RTL4: variants seen among roughly 807,000 people sequenced by gnomAD.
RTL4 encodes the protein retrotransposon Gag like 4, also known as retrotransposon Gag-like protein 4.
Under a neutral mutation model 5.3 loss-of-function variants are expected in RTL4, and 4 were observed. The observed-to-expected ratio is 0.75, with a 90% confidence interval of 0.37 to 1.72. The LOEUF (loss-of-function observed/expected upper bound fraction) is 1.72. RTL4 is among the 40% of genes most tolerant of loss of function. The probability of loss-of-function intolerance (pLI) is 0.04; values close to 1 mark genes in which losing one functional copy is unlikely to be tolerated. For missense variants in RTL4, 260 were observed against 227.1 expected, an observed-to-expected ratio of 1.14 and a Z score of -0.93; for synonymous variants, 98 against 87.3, an observed-to-expected ratio of 1.12 and a Z score of -0.68.
the RTL4 span, among the ~76,000 whole-genome samples, chrX:112,228,223 T>C: frequency 9.0e-6 from 1 of 111,019 alleles, no homozygotes; most frequent in Admixed American, 9.6e-5. Context: ...AAGTTAGTGC[T>C]GATCCCTTTT....
At chrX:112,236,634 G>A in the RTL4 span, among the ~76,000 whole-genome samples, 2 of 105,833 alleles carry the variant, frequency 1.9e-5, no homozygotes, top group African/African-American at 6.8e-5. Flanking sequence ...CAATGTCCAG[G>A]CTCAAATCAG....
chrX:112,365,210 T>TGC, the RTL4 span, among the ~76,000 whole-genome samples: 3 of 111,092 alleles, frequency 2.7e-5, no homozygotes, highest in African/African-American at 9.8e-5. Context: ...AGAAACAGCA[T>TGC]GTACAAAAGT....
chrX:112,190,207 T>TTTCTTTCTTTCTTTCTTTCTTTC, the RTL4 span, among the ~76,000 whole-genome samples: 1 of 99,099 alleles, frequency 1.0e-5, no homozygotes, highest in Non-Finnish European at 2.0e-5. Context: ...TTTCTTTCTT[T>TTTCTTTCTTTCTTTCTTTCTTTC]TTTCTATACC....
chrX:112,269,146 C>A, the RTL4 span, among the ~76,000 whole-genome samples: 1 of 112,115 alleles, frequency 8.9e-6, no homozygotes, highest in Admixed American at 9.5e-5. Context: ...GATAATAGTC[C>A]ATGTAAACTG....
the RTL4 span, among the ~76,000 whole-genome samples, chrX:112,259,164 G>T: frequency 9.0e-6 from 1 of 111,063 alleles, no homozygotes; most frequent in Non-Finnish European, 1.9e-5. Context: ...ATTTTCATTT[G>T]GATCATAATT....
chrX:112,236,120 T>C, the RTL4 span, among the ~76,000 whole-genome samples: 2 of 109,666 alleles, frequency 1.8e-5, no homozygotes, highest in African/African-American at 6.6e-5. Flanking sequence ...AAGAGAATGA[T>C]TTAAATAAAC....
chrX:112,302,148 C>A, the RTL4 span, among the ~76,000 whole-genome samples: 1 of 108,332 alleles, frequency 9.2e-6, no homozygotes, highest in Non-Finnish European at 1.9e-5. Flanking sequence ...GTAGTCCCAG[C>A]TACTTGGGAG....
chrX:112,213,141 G>A, the RTL4 span, among the ~76,000 whole-genome samples: 2 of 112,785 alleles, frequency 1.8e-5, no homozygotes, highest in African/African-American at 6.4e-5. Context: ...GCAGCAATGG[G>A]GAACAAATGC....
At chrX:112,374,441 A>G in the RTL4 span, among the ~76,000 whole-genome samples, 6 of 111,122 alleles carry the variant, frequency 5.4e-5, no homozygotes, top group African/African-American at 2.0e-4. Context: ...ATTCATCCAA[A>G]TTTGTTCCTC....
At chrX:112,353,880 T>C in the RTL4 span, among the ~76,000 whole-genome samples, 2 of 111,063 alleles carry the variant, frequency 1.8e-5, no homozygotes, top group Non-Finnish European at 1.9e-5. Context: ...GTGCTGTGGG[T>C]TAGAATGTCC....
chrX:112,101,910 G>T, the RTL4 span, among the ~76,000 whole-genome samples: 1 of 110,572 alleles, frequency 9.0e-6, no homozygotes, highest in African/African-American at 3.3e-5. Context: ...ACCAAGAACT[G>T]CCTGGAGCCC....
chrX:112,328,900 G>A, the RTL4 span, among the ~76,000 whole-genome samples: 1 of 111,975 alleles, frequency 8.9e-6, no homozygotes, highest in African/African-American at 3.3e-5. Context: ...ACCTGCTCAT[G>A]AATGACTACT....
chrX:112,169,003 C>CTCTTTCT, the RTL4 span, among the ~76,000 whole-genome samples: 3 of 70,656 alleles, frequency 4.2e-5, no homozygotes, highest in Non-Finnish European at 8.3e-5. Context: ...TCCTTTCTTT[C>CTCTTTCT]CTTTCTTTCT....
chrX:112,249,387 C>T, the RTL4 span, among the ~76,000 whole-genome samples: 3,295 of 110,642 alleles, frequency 0.03, 24 homozygotes, highest in Non-Finnish European at 0.036. Flanking sequence ...GTATCTGTGA[C>T]GGCTAATTTT....
the RTL4 span, among the ~76,000 whole-genome samples, chrX:112,369,572 G>T: frequency 8.9e-6 from 1 of 111,792 alleles, no homozygotes; most frequent in Non-Finnish European, 1.9e-5. Context: ...ATATTGGGGG[G>T]TGGAAGAATT....
the RTL4 span, among the ~76,000 whole-genome samples, chrX:112,157,877 A>G: frequency 2.7e-5 from 3 of 111,968 alleles, no homozygotes; most frequent in African/African-American, 9.7e-5. Context: ...TCCTGCCTTT[A>G]TAGTTTAGTC....
At chrX:112,172,675 A>T in the RTL4 span, among the ~76,000 whole-genome samples, 1 of 111,453 alleles carries the variant, frequency 9.0e-6, no homozygotes, top group Non-Finnish European at 1.9e-5. Context: ...CCCAAGAAAT[A>T]TAAGTCACTC....
At chrX:112,158,843 A>C in the RTL4 span, among the ~76,000 whole-genome samples, 4 of 111,517 alleles carry the variant, frequency 3.6e-5, no homozygotes, top group Admixed American at 3.8e-4. Flanking sequence ...TAGAAGCAAA[A>C]ACACTGGATT....
the RTL4 span, among the ~76,000 whole-genome samples, chrX:112,092,873 C>G: frequency 9.0e-6 from 1 of 111,667 alleles, no homozygotes; most frequent in African/African-American, 3.3e-5. Context: ...CCAGGTGGAA[C>G]TGTAAGTCCA....
Sources: allele counts gnomAD v4.1 joint callset (sites outside exome capture counted in the v4.1 genomes callset), GRCh38; gene constraint gnomAD v4.1.1; transcripts MANE v1.5; gene names NCBI Gene and HGNC (gene_info 2026-07-23, HGNC 2026-07-21).